KANK1: variants seen among roughly 807,000 people sequenced by gnomAD.
KANK1 encodes the protein KN motif and ankyrin repeat domain-containing protein 1.
A neutral mutation model predicts 106.2 loss-of-function variants in KANK1; 109 were observed. The observed-to-expected ratio is 1.03, with a 90% confidence interval of 0.88 to 1.20. The LOEUF (loss-of-function observed/expected upper bound fraction) is 1.20. Ranked by LOEUF, KANK1 falls within the 50% of genes most tolerant of loss-of-function variation. The pLI, the probability that KANK1 is intolerant of heterozygous loss-of-function variation, is 0.00. For missense variants in KANK1, 2,399 were observed against 1,710.7 expected, an observed-to-expected ratio of 1.40 and a Z score of -7.10; for synonymous variants, 873 against 652.2, an observed-to-expected ratio of 1.34 and a Z score of -5.16.
At chr9:655,515 A>G (rs574694080) in intron 1 of KANK1, among the ~76,000 whole-genome samples, 4 of 152,310 alleles carry the variant, frequency 2.6e-5, no homozygotes, top group East Asian at 3.9e-4. Context: ...TGTGCATACA[A>G]ATCACCTGGG....
rs1212322163 is a variant in KANK1 at position 691,404 on chromosome 9, GTA to G, written c.37+14409_37+14410del. On this transcript the variant is annotated intron_variant, in intron 2 of 11. Transcript: ENST00000382297. The stretch of plus-strand genomic sequence containing the variant: ...GTTTTAAAATTGTATGTGTGTGTGT[GTA>G]TATATATATATATTTATTTATTATT... 4.0e-3 allele frequency among the ~76,000 whole-genome samples: 595 copies of G among 149,580 alleles called. 10 individuals are homozygous for G. The highest frequency in any genetic ancestry group is 0.013 in the African/African-American group (522 of 40,830).
rs1335020219 is a variant in KANK1 at position 594,333 on chromosome 9, G to T, written c.-83-82557G>T. On this transcript the variant is annotated intron_variant, in intron 1 of 11. Transcript: ENST00000382297. ...CTAACTAGGGGGAAAAGGCCAACAT[G>T]ATTGACAGAGGCTGGCTGGAGATTT... 2.6e-5 allele frequency among the ~76,000 whole-genome samples: 4 copies of T among 152,078 alleles called. No homozygotes were observed. In the East Asian group the frequency reaches 7.7e-4, roughly 29 times the overall value.
intron 1 of KANK1, among the ~76,000 whole-genome samples, chr9:603,875 C>G (rs886218686): frequency 6.7e-6 from 1 of 148,680 alleles, no homozygotes; most frequent in African/African-American, 2.5e-5. Flanking sequence ...AGGAGAATCA[C>G]TTGAACCCGG....
intron 10 of KANK1, among the ~76,000 whole-genome samples, chr9:743,803 C>T (rs754461968): frequency 1.9e-4 from 29 of 152,262 alleles, no homozygotes; most frequent in Non-Finnish European, 2.8e-4. Context: ...TCAAGGCTAC[C>T]GTGATCTGTG....
chr9:596,663 A>G (rs754627742), intron 1 of KANK1, among the ~76,000 whole-genome samples: 10 of 151,906 alleles, frequency 6.6e-5, no homozygotes, highest in Middle Eastern at 3.4e-3. Context: ...GAAGTCCACC[A>G]TCATTACTTT....
chr9:518,171 T>C (rs2059377578), intron 1 of KANK1, among the ~76,000 whole-genome samples: 1 of 151,756 alleles, frequency 6.6e-6, no homozygotes, highest in South Asian at 2.1e-4. Context: ...GGGCTTGAAG[T>C]TTATATAGTT....
intron 6 of KANK1, 128 bp downstream of exon 6, chr9:732,745 C>A: frequency 1.0e-6 from 1 of 987,212 alleles, no homozygotes; most frequent in South Asian, 1.6e-5. Context: ...GTATACACAT[C>A]TTGAGATACT....
intron 3 of KANK1, among the ~76,000 whole-genome samples, chr9:718,294 G>A (rs952888851): frequency 8.5e-6 from 1 of 118,206 alleles, no homozygotes; most frequent in Non-Finnish European, 1.8e-5. Context: ...GTAACTTGCT[G>A]TGTCTTTTTT....
chr9:684,520 T>G (rs1348016679), intron 2 of KANK1: 1 of 985,288 alleles, frequency 1.0e-6, no homozygotes, highest in African/African-American at 1.7e-5. Flanking sequence ...AAACAGCCCT[T>G]CCTACAAGGA....
intron 2 of KANK1, chr9:684,376 C>T: frequency 5.1e-6 from 5 of 985,230 alleles, no homozygotes; most frequent in Non-Finnish European, 6.0e-6. Flanking sequence ...TGCCTGGTAC[C>T]AACTTTATAG....
intron 1 of KANK1, among the ~76,000 whole-genome samples, chr9:614,199 A>G (rs1390086584): frequency 6.6e-6 from 1 of 152,124 alleles, no homozygotes. Flanking sequence ...GCTGTGAGAT[A>G]ATGGTGTATT....
At chr9:559,856 C>G (rs1228824210) in intron 1 of KANK1, among the ~76,000 whole-genome samples, 2 of 152,188 alleles carry the variant, frequency 1.3e-5, no homozygotes, top group Non-Finnish European at 2.9e-5. Flanking sequence ...CCCCTTCACA[C>G]ATACTCTGTT....
At chr9:721,020 G>A (rs759982599) in intron 3 of KANK1, among the ~76,000 whole-genome samples, 5 of 152,132 alleles carry the variant, frequency 3.3e-5, no homozygotes, top group African/African-American at 9.7e-5. Context: ...CTCAATCCTG[G>A]CAGCACAATA....
At chr9:670,510 G>C (rs890683292) in intron 1 of KANK1, among the ~76,000 whole-genome samples, 5 of 152,160 alleles carry the variant, frequency 3.3e-5, no homozygotes, top group Non-Finnish European at 1.5e-5. Context: ...TGCCTGGCTG[G>C]AATGGGGGAG....
chr9:472,749 C>T (rs549244322), intron 2 of KANK1, among the ~76,000 whole-genome samples: 4 of 152,204 alleles, frequency 2.6e-5, no homozygotes, highest in African/African-American at 4.8e-5. Flanking sequence ...AAAATTATTC[C>T]GAATTTTAAG....
Position 546,093 on chromosome 9 carries a change from G to A in KANK1, c.-84+41339G>A, listed in dbSNP as rs187505007. ...TTAGAAAATGTGTGCCTTTCTGGAT[G>A]GACACAGTCCCTGGCTTGGTGAGTG... On this transcript the variant is annotated intron_variant, in intron 1 of 11. Transcript: ENST00000382297. 1.1e-3 allele frequency among the ~76,000 whole-genome samples: 169 copies of A among 152,194 alleles called. 3 individuals are homozygous for A. The highest frequency in any genetic ancestry group is 3.9e-3 in the African/African-American group (161 of 41,520).
intron 1 of KANK1, among the ~76,000 whole-genome samples, chr9:528,190 G>A (rs1253227271): frequency 6.6e-6 from 1 of 150,758 alleles, no homozygotes; most frequent in Admixed American, 6.6e-5. Flanking sequence ...CAAGTATTCT[G>A]ATTGGTCTTT....
At chr9:507,221 C>G (rs1587332500) in intron 1 of KANK1, among the ~76,000 whole-genome samples, 2 of 151,280 alleles carry the variant, frequency 1.3e-5, no homozygotes, top group Admixed American at 1.3e-4. Flanking sequence ...GATATGGTGG[C>G]ACATGCACCT....
At chr9:686,922 G>A in intron 2 of KANK1, 1 of 985,256 alleles carries the variant, frequency 1.0e-6, no homozygotes, top group Non-Finnish European at 1.2e-6. Context: ...TTCTAGAAAG[G>A]TAAAGGGGGC....
Sources: gnomAD v4.1 joint callset for allele counts (sites outside exome capture counted in the v4.1 genomes callset) on GRCh38, gnomAD v4.1.1 for gene constraint, MANE v1.5 for transcripts, NCBI Gene and HGNC (gene_info 2026-07-23, HGNC 2026-07-21) for gene names.